CCSER1: variants seen among roughly 807,000 people sequenced by gnomAD.
CCSER1 encodes the protein coiled-coil serine rich protein 1.
Under a neutral mutation model 82.0 loss-of-function variants are expected in CCSER1, and 41 were observed. The ratio of observed to expected loss-of-function variants is 0.50; its 90% CI spans 0.39 to 0.65. The LOEUF is 0.65. Among genes scored for constraint, CCSER1 ranks in the 30% least tolerant of loss-of-function variants. CCSER1 has a pLI of 0.00. For synonymous variants in CCSER1, 414 were observed against 383.9 expected (o/e 1.08, Z -0.92); for missense variants, 1,119 against 1,064.2 (o/e 1.05, Z -0.72).
At chr4:91,299,386 T>A (rs1354485146) in intron 10 of CCSER1, among the ~76,000 whole-genome samples, 1 of 152,068 alleles carries the variant, frequency 6.6e-6, no homozygotes, top group South Asian at 2.1e-4. Flanking sequence ...GGCCCAACTA[T>A]ACCTTTTTGG....
intron 1 of CCSER1, among the ~76,000 whole-genome samples, chr4:90,253,044 A>G (rs183195416): frequency 3.3e-4 from 50 of 152,106 alleles, no homozygotes; most frequent in African/African-American, 1.1e-3. Context: ...CATGTTTCAT[A>G]TAATTGGTGA....
chr4:91,416,882 C>T (rs895191250), intron 10 of CCSER1, among the ~76,000 whole-genome samples: 1 of 152,074 alleles, frequency 6.6e-6, no homozygotes, highest in Non-Finnish European at 1.5e-5. Flanking sequence ...AGAGTTTCTG[C>T]ACAGCAAAAG....
At chr4:91,173,411 G>A (rs1461341207) in intron 10 of CCSER1, among the ~76,000 whole-genome samples, 2 of 151,952 alleles carry the variant, frequency 1.3e-5, no homozygotes, top group Non-Finnish European at 1.5e-5. Context: ...TGGCTAACAC[G>A]GTGAAACCCC....
At chr4:91,175,212 C>T (rs995688667) in intron 10 of CCSER1, among the ~76,000 whole-genome samples, 8 of 152,102 alleles carry the variant, frequency 5.3e-5, no homozygotes, top group African/African-American at 1.7e-4. Context: ...TTTCTTAATC[C>T]AGTCTATTGT....
intron 5 of CCSER1, among the ~76,000 whole-genome samples, chr4:90,479,437 G>C (rs1277537727): frequency 6.6e-6 from 1 of 152,010 alleles, no homozygotes; most frequent in Non-Finnish European, 1.5e-5. Flanking sequence ...GTGCAGGTTT[G>C]TTACATATAT....
intron 4 of CCSER1, among the ~76,000 whole-genome samples, chr4:90,444,747 A>G (rs901585119): frequency 1.3e-5 from 2 of 152,016 alleles, no homozygotes; most frequent in Admixed American, 1.3e-4. Context: ...TTTGAATATT[A>G]GAAACTCATG....
At chr4:91,243,408 G>A (rs1032008823) in intron 10 of CCSER1, among the ~76,000 whole-genome samples, 1 of 151,872 alleles carries the variant, frequency 6.6e-6, no homozygotes, top group Non-Finnish European at 1.5e-5. Flanking sequence ...GGGTAGCACT[G>A]ACCTAGGGAG....
At chr4:91,174,189 G>C (rs1423051737) in intron 10 of CCSER1, among the ~76,000 whole-genome samples, 2 of 152,062 alleles carry the variant, frequency 1.3e-5, no homozygotes, top group African/African-American at 4.8e-5. Flanking sequence ...TCAACTGACA[G>C]CTTAAATAAC....
At chr4:90,641,092 T>G (rs1726427787) in intron 6 of CCSER1, among the ~76,000 whole-genome samples, 1 of 152,128 alleles carries the variant, frequency 6.6e-6, no homozygotes, top group Non-Finnish European at 1.5e-5. Flanking sequence ...TAATTTTAAG[T>G]TTTCCCTGGT....
At position 90,273,208 on chromosome 4, in the gene CCSER1, G is replaced by T. The variant is rs559462564; in HGVS notation, c.-41-35036G>T. Among the ~76,000 whole-genome samples the T allele has an allele frequency of 8.5e-5, 13 of 152,144 alleles. No homozygotes were observed. In the South Asian group the frequency reaches 2.7e-3, roughly 32 times the overall value. Reference sequence around the variant, plus strand: ...ACAGAGTAAAATGATGGTTACCAGAGGCTGGGGAGGGTAGTAGTGGGGGTG... The same window carrying T: ...ACAGAGTAAAATGATGGTTACCAGATGCTGGGGAGGGTAGTAGTGGGGGTG... On this transcript the variant is annotated intron_variant, in intron 1 of 10. Transcript: ENST00000509176.
chr4:90,499,684 C>T (rs1380993195), intron 5 of CCSER1, among the ~76,000 whole-genome samples: 3 of 152,106 alleles, frequency 2.0e-5, no homozygotes, highest in African/African-American at 7.2e-5. Context: ...AAAATGGTAT[C>T]ATAACTCCAG....
intron 10 of CCSER1, among the ~76,000 whole-genome samples, chr4:91,361,199 T>C (rs2149312487): frequency 6.6e-6 from 1 of 151,994 alleles, no homozygotes; most frequent in East Asian, 1.9e-4. Flanking sequence ...TGGTCATTAA[T>C]TTCACAGAAA....
intron 10 of CCSER1, among the ~76,000 whole-genome samples, chr4:91,193,034 A>T (rs1735129822): frequency 6.6e-6 from 1 of 151,834 alleles, no homozygotes; most frequent in African/African-American, 2.4e-5. Context: ...ATACATGCAA[A>T]ACTCCCATTT....
chr4:91,286,208 T>C (rs981061034), intron 10 of CCSER1, among the ~76,000 whole-genome samples: 1 of 151,838 alleles, frequency 6.6e-6, no homozygotes, highest in Non-Finnish European at 1.5e-5. Context: ...GCTGTGAATC[T>C]ACAATGACAG....
intron 4 of CCSER1, among the ~76,000 whole-genome samples, chr4:90,430,798 A>AT (rs1413827738): frequency 6.6e-6 from 1 of 151,946 alleles, no homozygotes; most frequent in Non-Finnish European, 1.5e-5. Flanking sequence ...GACTAATGAA[A>AT]TTTGTTTTAA....
In CCSER1 at chr4:91,599,742, T is replaced by A. The variant is rs1764741732; in HGVS notation, c.*685T>A. ...CTAGCCAAATAGAGAATGACAGCTC[T>A]GATCTTTGAAAAATTTTGCTTTTAG... On this transcript the variant is annotated 3_prime_UTR_variant, in exon 11 of 11. Transcript: ENST00000509176. 6.6e-6 allele frequency: 1 copy of A among 152,176 alleles called. No individual in the cohort carries two copies. Among genetic ancestry groups the A allele is most frequent in the South Asian group, 2.1e-4 (1 of 4,836 alleles). 9.4% of individuals were successfully genotyped at this position (152,176 alleles called of 1,614,324 possible).
intron 5 of CCSER1, among the ~76,000 whole-genome samples, chr4:90,541,828 T>A (rs903029746): frequency 6.6e-6 from 1 of 152,088 alleles, no homozygotes; most frequent in Non-Finnish European, 1.5e-5. Flanking sequence ...AATAAATGTT[T>A]TTCTGTCATC....
intron 10 of CCSER1, among the ~76,000 whole-genome samples, chr4:91,418,073 C>T (rs1282317958): frequency 1.3e-5 from 2 of 151,548 alleles, no homozygotes; most frequent in African/African-American, 4.8e-5. Flanking sequence ...GTATGGGATG[C>T]AAACAAAAAA....
intron 6 of CCSER1, among the ~76,000 whole-genome samples, chr4:90,711,070 G>A (rs1740515860): frequency 6.6e-6 from 1 of 151,900 alleles, no homozygotes; most frequent in African/African-American, 2.4e-5. Context: ...GTATTCCTAG[G>A]AATTTTATTC....
Sources: gnomAD v4.1 joint callset for allele counts (sites outside exome capture counted in the v4.1 genomes callset) on GRCh38, gnomAD v4.1.1 for gene constraint, MANE v1.5 for transcripts, NCBI Gene and HGNC (gene_info 2026-07-23, HGNC 2026-07-21) for gene names.